RMP64: variants seen among roughly 807,000 people sequenced by gnomAD.
RMP64 encodes the protein nucleolus and neural progenitor protein.
At chr3:113,003,035 T>G in the RMP64 span, 1 of 152,282 alleles carries the variant, frequency 6.6e-6, no homozygotes. Context: ...ATAAATGGCC[T>G]GTGTGTCCTA....
chr3:113,011,727 T>C, the RMP64 span, among the ~76,000 whole-genome samples: 7 of 152,174 alleles, frequency 4.6e-5, no homozygotes, highest in Admixed American at 2.0e-4. Context: ...TTTAGGCAAA[T>C]TTCAGGTTCT....
chr3:113,014,357 ATTTT>A, the RMP64 span: 2 of 163,004 alleles, frequency 1.2e-5, no homozygotes, highest in Non-Finnish European at 2.6e-5. Flanking sequence ...CTAAGACAAG[ATTTT>A]TTTTTTTTTT....
chr3:113,003,927 T>A, the RMP64 span: 2 of 152,120 alleles, frequency 1.3e-5, no homozygotes, highest in Non-Finnish European at 2.9e-5. Flanking sequence ...GGGGACTGGG[T>A]GCATGAATAT....
At chr3:113,019,087 T>C in the RMP64 span, 69 of 178,632 alleles carry the variant, frequency 3.9e-4, no homozygotes, top group African/African-American at 1.0e-3. Context: ...GATAAGCAGA[T>C]AGAGGTCCGA....
chr3:113,008,355 T>G, the RMP64 span: 1 of 1,613,338 alleles, frequency 6.2e-7, no homozygotes, highest in Admixed American at 1.7e-5. Flanking sequence ...GCATGAGGAG[T>G]TCCTATCACT....
chr3:113,004,812 T>C, the RMP64 span: 2 of 152,440 alleles, frequency 1.3e-5, no homozygotes, highest in East Asian at 3.8e-4. Flanking sequence ...ATCTACCTGT[T>C]ATCCTATTAT....
the RMP64 span, chr3:113,008,498 G>A: frequency 2.3e-6 from 3 of 1,331,340 alleles, no homozygotes; most frequent in Admixed American, 3.9e-5. Flanking sequence ...TGACAACAAG[G>A]AAAGCTAGCT....
the RMP64 span, chr3:113,019,656 G>A: frequency 6.2e-7 from 1 of 1,610,654 alleles, no homozygotes; most frequent in Non-Finnish European, 8.5e-7. Flanking sequence ...ATGCGAGGCG[G>A]GGGGACTTAC....
At chr3:113,017,360 G>A in the RMP64 span, 2 of 1,104,848 alleles carry the variant, frequency 1.8e-6, no homozygotes, top group Non-Finnish European at 2.6e-6. Flanking sequence ...ATTTCCACGA[G>A]ATTTCCATAA....
At chr3:113,012,927 G>A in the RMP64 span, 4 of 684,954 alleles carry the variant, frequency 5.8e-6, no homozygotes, top group African/African-American at 3.6e-5. Flanking sequence ...AGGTATTAAA[G>A]CCTTAAAACA....
chr3:113,004,995 G>C, the RMP64 span: 1 of 158,954 alleles, frequency 6.3e-6, no homozygotes, highest in East Asian at 1.8e-4. Context: ...ACCAGTCCCT[G>C]GTAATACAAG....
chr3:113,004,333 C>T, the RMP64 span: 1 of 152,118 alleles, frequency 6.6e-6, no homozygotes, highest in Admixed American at 6.5e-5. Flanking sequence ...TGGGAAAGGG[C>T]TAATCTGCAT....
the RMP64 span, chr3:113,013,808 G>A: frequency 1.5e-6 from 1 of 679,168 alleles, no homozygotes; most frequent in Non-Finnish European, 2.7e-6. Context: ...ACAAACACCA[G>A]GTACCCCACA....
At chr3:113,011,000 T>G in the RMP64 span, 1 of 1,508,066 alleles carries the variant, frequency 6.6e-7, no homozygotes, top group Non-Finnish European at 8.9e-7. Flanking sequence ...TCTTTTTATT[T>G]GTTTTTTGTT....
the RMP64 span, chr3:113,003,966 G>A: frequency 2.0e-5 from 3 of 152,134 alleles, no homozygotes; most frequent in Non-Finnish European, 4.4e-5. Context: ...AAGCCCTATG[G>A]TCCACAAAGC....
the RMP64 span, among the ~76,000 whole-genome samples, chr3:113,018,464 T>C: frequency 6.6e-6 from 1 of 152,192 alleles, no homozygotes; most frequent in African/African-American, 2.4e-5. Flanking sequence ...CTGTAAAGTG[T>C]GTAGGATGGA....
the RMP64 span, chr3:113,011,033 A>G: frequency 6.4e-7 from 1 of 1,570,760 alleles, no homozygotes; most frequent in Non-Finnish European, 8.6e-7. Context: ...GTGCTGTATC[A>G]AAGCAAATTA....
the RMP64 span, chr3:113,010,702 C>G: frequency 6.2e-7 from 1 of 1,612,756 alleles, no homozygotes; most frequent in Non-Finnish European, 8.5e-7. Context: ...TCTGATGACT[C>G]TTCTGTGGAG....
chr3:113,003,227 A>AT, the RMP64 span: 1 of 152,230 alleles, frequency 6.6e-6, no homozygotes, highest in Admixed American at 6.6e-5. Flanking sequence ...CTATAGTGTC[A>AT]GCTACTCAGG....
Sources: allele counts gnomAD v4.1 joint callset (sites outside exome capture counted in the v4.1 genomes callset), GRCh38; gene constraint gnomAD v4.1.1; transcripts MANE v1.5; gene names NCBI Gene and HGNC (gene_info 2026-07-23, HGNC 2026-07-21).